HIBADH: variants seen among roughly 807,000 people sequenced by gnomAD.
HIBADH encodes the protein 3-hydroxyisobutyrate dehydrogenase, also known as 3-hydroxyisobutyrate dehydrogenase, mitochondrial.
A neutral mutation model predicts 36.1 loss-of-function variants in HIBADH; 25 were observed. The ratio of observed to expected loss-of-function variants is 0.69; its 90% CI spans 0.50 to 0.97. HIBADH has a LOEUF of 0.97. HIBADH is among the 50% of genes least tolerant of loss of function. The probability of loss-of-function intolerance (pLI) is 0.00; values close to 1 mark genes in which losing one functional copy is unlikely to be tolerated. For missense variants in HIBADH, 421 were observed against 418.0 expected (o/e 1.01, Z -0.06); for synonymous variants, 160 against 149.5 (o/e 1.07, Z -0.51).
rs547927661 is a variant in HIBADH at position 27,597,942 on chromosome 7, G to C, written c.484+31429C>G. On this transcript the variant is annotated intron_variant, in intron 4 of 7. Transcript: ENST00000265395. Reference sequence around the variant, plus strand: ...TCAGGCTATAAATTTACTCCCAGTTGTGTCAAAGCACATCTGCAGTGGGAA... The same window carrying C: ...TCAGGCTATAAATTTACTCCCAGTTCTGTCAAAGCACATCTGCAGTGGGAA... Among the ~76,000 whole-genome samples the C allele has an allele frequency of 2.6e-5, 4 of 152,270 alleles. No homozygotes were observed. In the South Asian group the frequency reaches 8.3e-4, roughly 32 times the overall value.
intron 2 of HIBADH, among the ~76,000 whole-genome samples, chr7:27,641,068 T>C (rs924745549): frequency 2.6e-5 from 4 of 152,056 alleles, no homozygotes; most frequent in Admixed American, 6.6e-5. Context: ...AGGAGCCTGA[T>C]GGAGAAAAGC....
intron 4 of HIBADH, among the ~76,000 whole-genome samples, chr7:27,620,234 C>G (rs1025357412): frequency 6.6e-6 from 1 of 152,066 alleles, no homozygotes. Flanking sequence ...TGGGGGGAAT[C>G]GCTTGAACCC....
chr7:27,558,700 C>T (rs1470587060), intron 4 of HIBADH, among the ~76,000 whole-genome samples: 1 of 151,870 alleles, frequency 6.6e-6, no homozygotes, highest in African/African-American at 2.4e-5. Flanking sequence ...GTCTCAAAAA[C>T]AAAAAACAAA....
intron 4 of HIBADH, among the ~76,000 whole-genome samples, chr7:27,601,738 T>C (rs1462736663): frequency 6.6e-6 from 1 of 152,156 alleles, no homozygotes. Flanking sequence ...AAGGATATTA[T>C]GTTAGAAGGT....
intron 4 of HIBADH, among the ~76,000 whole-genome samples, chr7:27,612,710 G>A (rs1185168180): frequency 6.6e-6 from 1 of 151,570 alleles, no homozygotes; most frequent in Admixed American, 6.6e-5. Flanking sequence ...AACGCAGGAG[G>A]ATCACTTGGG....
chr7:27,551,710 A>G (rs1267856169), intron 4 of HIBADH, among the ~76,000 whole-genome samples: 1 of 152,252 alleles, frequency 6.6e-6, no homozygotes, highest in African/African-American at 2.4e-5. Context: ...ACTAAAAAGT[A>G]CAATTCAAAT....
intron 4 of HIBADH, among the ~76,000 whole-genome samples, chr7:27,596,611 A>G (rs1785038101): frequency 6.6e-6 from 1 of 152,272 alleles, no homozygotes; most frequent in African/African-American, 2.4e-5. Flanking sequence ...CCTCTGTAAT[A>G]GCAGAAGTCT....
intron 4 of HIBADH, among the ~76,000 whole-genome samples, chr7:27,624,353 G>A (rs1276684484): frequency 1.3e-5 from 2 of 152,098 alleles, no homozygotes; most frequent in Non-Finnish European, 1.5e-5. Flanking sequence ...TATCAAAACC[G>A]CATTACAATA....
intron 4 of HIBADH, among the ~76,000 whole-genome samples, chr7:27,623,432 T>C (rs1785580296): frequency 6.6e-6 from 1 of 152,046 alleles, no homozygotes; most frequent in Non-Finnish European, 1.5e-5. Context: ...GAAATAAAAG[T>C]CATCAAAATC....
Position 27,526,284 on chromosome 7 carries a change from C to G in HIBADH, c.941G>C (p.Cys314Ser). The G allele has an allele frequency of 6.2e-7, 1 of 1,613,718 alleles. No individual in the cohort carries two copies. Among genetic ancestry groups the G allele is most frequent in the Non-Finnish European group, 8.5e-7 (1 of 1,179,854 alleles). ...SLAHQIYRMM[C>S]AKGYSKKDFS... ...GTCTTTCTTTGAGTAGCCCTTTGCA[C>G]ACATCATCCTGTAGATCTGATGGGC... is the stretch of plus-strand genomic sequence containing the variant. The change falls in exon 8 of 8, where the codon TGT becomes TCT. Residue 314 changes from cysteine (C) to serine (S), a missense_variant. Physicochemically the swap from Cys to Ser is moderately radical, Grantham distance 112 (BLOSUM62 -1). Coordinates refer to ENST00000265395, the MANE Select transcript of HIBADH (RefSeq NM_152740.4).
chr7:27,580,603 T>C (rs1423405920), intron 4 of HIBADH, among the ~76,000 whole-genome samples: 1 of 152,172 alleles, frequency 6.6e-6, no homozygotes, highest in Non-Finnish European at 1.5e-5. Flanking sequence ...GTACTGCAAT[T>C]TATATCTTTT....
chr7:27,602,380 C>T (rs1174448985), intron 4 of HIBADH, among the ~76,000 whole-genome samples: 1 of 152,130 alleles, frequency 6.6e-6, no homozygotes, highest in Non-Finnish European at 1.5e-5. Context: ...TGCATTTTCA[C>T]ACTTTCCACT....
At chr7:27,561,084 T>C (rs1230503932) in intron 4 of HIBADH, among the ~76,000 whole-genome samples, 1 of 152,224 alleles carries the variant, frequency 6.6e-6, no homozygotes, top group African/African-American at 2.4e-5. Flanking sequence ...TTCATGTGCT[T>C]ATTAGTCATC....
At chr7:27,620,633 C>T (rs1267103236) in intron 4 of HIBADH, among the ~76,000 whole-genome samples, 2 of 152,090 alleles carry the variant, frequency 1.3e-5, no homozygotes, top group African/African-American at 4.8e-5. Context: ...ACTAGCCCAG[C>T]CCTACAAGAA....
At chr7:27,623,066 G>A (rs1167611976) in intron 4 of HIBADH, among the ~76,000 whole-genome samples, 3 of 152,192 alleles carry the variant, frequency 2.0e-5, no homozygotes, top group South Asian at 2.1e-4. Flanking sequence ...AATACAACAC[G>A]ATCAAGTGAG....
intron 2 of HIBADH, among the ~76,000 whole-genome samples, chr7:27,648,378 C>T (rs1786115947): frequency 6.6e-6 from 1 of 152,166 alleles, no homozygotes; most frequent in African/African-American, 2.4e-5. Context: ...CACTATACTG[C>T]TGCAATTTCC....
chr7:27,565,306 T>G (rs1372056642), intron 4 of HIBADH, among the ~76,000 whole-genome samples: 1 of 152,166 alleles, frequency 6.6e-6, no homozygotes, highest in African/African-American at 2.4e-5. Flanking sequence ...TCCTTCTGCC[T>G]CCTGATCGAC....
chr7:27,594,718 C>A (rs1785002216), intron 4 of HIBADH, among the ~76,000 whole-genome samples: 1 of 152,108 alleles, frequency 6.6e-6, no homozygotes, highest in African/African-American at 2.4e-5. Flanking sequence ...CCCTTCCAGA[C>A]AGTAAAATAA....
chr7:27,558,541 G>A lies in HIBADH; in HGVS notation c.485-15441C>T, dbSNP rs1340360570. Among the ~76,000 whole-genome samples, 5 of 151,816 alleles carry A rather than the reference G, an allele frequency of 3.3e-5. No homozygotes were observed. The East Asian group carries it at 7.8e-4, about 24-fold the overall frequency. On this transcript the variant is annotated intron_variant, in intron 4 of 7. Transcript: ENST00000265395. ...GATGGCGTCTTGCCATTTGCCAGTT[G>A]GTCTCAAACTCCTAAGCTCAAGCAA...
Sources: gnomAD v4.1 joint callset for allele counts (sites outside exome capture counted in the v4.1 genomes callset) on GRCh38, gnomAD v4.1.1 for gene constraint, MANE v1.5 for transcripts, NCBI Gene and HGNC (gene_info 2026-07-23, HGNC 2026-07-21) for gene names.